EIF2AK3: variants seen among roughly 807,000 people sequenced by gnomAD.
The protein encoded by EIF2AK3 is eukaryotic translation initiation factor 2 alpha kinase 3.
EIF2AK3 carries 50 observed loss-of-function variants against 113.5 expected under a neutral mutation model. The ratio of observed to expected loss-of-function variants is 0.44; its 90% CI spans 0.35 to 0.56. The LOEUF is 0.56. EIF2AK3 is among the 20% of genes least tolerant of loss of function. The pLI is 0.00. For synonymous variants in EIF2AK3, 448 were observed against 495.4 expected, an observed-to-expected ratio of 0.90 and a Z score of 1.27; for missense variants, 1,185 against 1,378.0, an observed-to-expected ratio of 0.86 and a Z score of 2.22.
chr2:88,572,546 C>T (rs1167119238), intron 13 of EIF2AK3, among the ~76,000 whole-genome samples: 1 of 152,046 alleles, frequency 6.6e-6, no homozygotes, highest in African/African-American at 2.4e-5. Context: ...TTCTCTCCAC[C>T]CTCTACCCCA....
intron 14 of EIF2AK3, among the ~76,000 whole-genome samples, chr2:88,562,804 C>T (rs1674000898): frequency 6.6e-6 from 1 of 152,202 alleles, no homozygotes; most frequent in African/African-American, 2.4e-5. Flanking sequence ...AGAAAATCTT[C>T]ATTACTCCAA....
chr2:88,626,662 C>G (rs1162154699), intron 1 of EIF2AK3, among the ~76,000 whole-genome samples: 2 of 152,230 alleles, frequency 1.3e-5, no homozygotes, highest in African/African-American at 4.8e-5. Flanking sequence ...AATCAATGCC[C>G]GAAAACAATG....
chr2:88,580,001 T>G (rs1452483268), intron 10 of EIF2AK3: 1 of 235,608 alleles, frequency 4.2e-6, no homozygotes, highest in Non-Finnish European at 8.4e-6. Flanking sequence ...TCTGTGACAT[T>G]TTGTAATCAA....
At chr2:88,617,948 G>A (rs753895763) in intron 1 of EIF2AK3, among the ~76,000 whole-genome samples, 2 of 152,118 alleles carry the variant, frequency 1.3e-5, no homozygotes, top group African/African-American at 2.4e-5. Flanking sequence ...GGAGACTGAC[G>A]CAGGAGAACT....
rs964208013 is a variant in EIF2AK3, at chr2:88,627,333, C to G, written c.-59G>C. On this transcript the variant is annotated 5_prime_UTR_variant, in exon 1 of 17. Coordinates refer to ENST00000303236, the MANE Select transcript of EIF2AK3 (RefSeq NM_004836.7). ...CAGCCACTGACGCCTGCCTCTCCCGCCGCTTGGAGCTCCCAAGAAGGCAAG... is the reference window on the plus strand; with the variant it reads ...CAGCCACTGACGCCTGCCTCTCCCGGCGCTTGGAGCTCCCAAGAAGGCAAG... 3.1e-5 allele frequency: 44 copies of G among 1,431,176 alleles called. No homozygotes were observed. Among genetic ancestry groups the G allele is most frequent in the Middle Eastern group, 2.5e-4 (1 of 4,040 alleles). 88.7% of individuals were successfully genotyped at this position (1,431,176 alleles called of 1,614,324 possible).
intron 1 of EIF2AK3, 67 bp downstream of exon 1, chr2:88,626,900 C>G: frequency 7.6e-6 from 12 of 1,585,984 alleles, no homozygotes; most frequent in Non-Finnish European, 1.0e-5. Context: ...CTCCGCCCCC[C>G]TACACCGCAT....
intron 1 of EIF2AK3, among the ~76,000 whole-genome samples, chr2:88,619,233 T>G (rs1345521106): frequency 6.6e-6 from 1 of 152,124 alleles, no homozygotes; most frequent in Non-Finnish European, 1.5e-5. Flanking sequence ...TCAGGTGATC[T>G]GCCCGCTTCA....
At chr2:88,592,217 T>C (rs1462904046) in intron 4 of EIF2AK3, among the ~76,000 whole-genome samples, 1 of 152,170 alleles carries the variant, frequency 6.6e-6, no homozygotes, top group Non-Finnish European at 1.5e-5. Flanking sequence ...ATCACATATT[T>C]AAATATAAAA....
At chr2:88,587,057 T>C (rs1278109820) in intron 8 of EIF2AK3, among the ~76,000 whole-genome samples, 1 of 151,006 alleles carries the variant, frequency 6.6e-6, no homozygotes, top group Admixed American at 6.6e-5. Context: ...ATACAAAAAT[T>C]AGCTGGGCGT....
At position 88,562,293 on chromosome 2, in the gene EIF2AK3, ACT is replaced by A; in HGVS notation, c.3081_3082del (p.Arg1027SerfsTer6). ...TTGAGTAGGGAGGGTACTTACCCTG[ACT>A]CTCTCCATCTGAGTGCTGAATGGAT... On this transcript the variant is annotated frameshift_variant, in exon 15 of 17. Transcript: ENST00000303236. LOFTEE classifies it high-confidence loss of function. 6.2e-7 allele frequency: 1 copy of A among 1,613,330 alleles called. No individual in the cohort carries two copies. Among genetic ancestry groups the A allele is most frequent in the Non-Finnish European group, 8.5e-7 (1 of 1,179,340 alleles).
intron 1 of EIF2AK3, 69 bp downstream of exon 1, chr2:88,626,898 C>A: frequency 6.3e-7 from 1 of 1,582,836 alleles, no homozygotes; most frequent in Non-Finnish European, 8.6e-7. Context: ...ATCTCCGCCC[C>A]CCTACACCGC....
At position 88,574,590 on chromosome 2, in the gene EIF2AK3, A is replaced by G. The variant is rs1392480860; in HGVS notation, c.2817+76T>C. 1.6e-5 allele frequency: 24 copies of G among 1,533,592 alleles called. 1 individual carries two copies. In the East Asian group the frequency reaches 5.6e-4, roughly 36 times the overall value. 95.0% of individuals were successfully genotyped at this position (1,533,592 alleles called of 1,614,324 possible). On this transcript the variant is annotated intron_variant, in intron 13 of 16. Coordinates refer to ENST00000303236, the MANE Select transcript of EIF2AK3 (RefSeq NM_004836.7). ...TCTCCCCAACTCTTAAGGATCCTTCAGAGTACTGCAAGTACTGCTCTGAAT... is the reference window on the plus strand; with the variant it reads ...TCTCCCCAACTCTTAAGGATCCTTCGGAGTACTGCAAGTACTGCTCTGAAT...
intron 1 of EIF2AK3, among the ~76,000 whole-genome samples, chr2:88,614,188 G>A (rs1558663590): frequency 6.6e-6 from 1 of 152,062 alleles, no homozygotes; most frequent in South Asian, 2.1e-4. Context: ...TTCCCTGATC[G>A]TTCACTTATC....
intron 6 of EIF2AK3, 75 bp downstream of exon 6, chr2:88,590,368 A>G: frequency 6.7e-7 from 1 of 1,499,578 alleles, no homozygotes; most frequent in African/African-American, 1.4e-5. Flanking sequence ...GCACTCCTGA[A>G]GTAGGAAGGA....
chr2:88,557,798 A>AACTC lies in EIF2AK3; in HGVS notation c.3285_3288dup (p.Ser1097GlufsTer16). The AACTC allele has an allele frequency of 6.2e-7, 1 of 1,614,152 alleles. No homozygotes were observed. Among genetic ancestry groups the AACTC allele is most frequent in the Non-Finnish European group, 8.5e-7 (1 of 1,180,000 alleles). ...TGTCTTGAATGTTTTGTTCCCGATGAACTCAAGGAGCGAGACCTCTGTCTG... is the reference window on the plus strand; with the variant it reads ...TGTCTTGAATGTTTTGTTCCCGATGAACTCACTCAAGGAGCGAGACCTCTGTCTG... On this transcript the variant is annotated frameshift_variant, in exon 17 of 17. Coordinates refer to ENST00000303236, the MANE Select transcript of EIF2AK3 (RefSeq NM_004836.7). LOFTEE classifies it high-confidence loss of function.
intron 14 of EIF2AK3, 64 bp from the exon 15 acceptor site, chr2:88,562,454 A>C: frequency 7.5e-7 from 1 of 1,331,514 alleles, no homozygotes; most frequent in South Asian, 1.2e-5. Flanking sequence ...ATATTACAGC[A>C]TTATTGAATC....
chr2:88,558,849 G>T, intron 16 of EIF2AK3, 68 bp downstream of exon 16: 2 of 1,266,482 alleles, frequency 1.6e-6, no homozygotes, highest in South Asian at 1.3e-5. Flanking sequence ...AAACTGAGTC[G>T]ACTGCTAAGG....
At chr2:88,617,569 C>T (rs1404828201) in intron 1 of EIF2AK3, among the ~76,000 whole-genome samples, 1 of 151,740 alleles carries the variant, frequency 6.6e-6, no homozygotes, top group Non-Finnish European at 1.5e-5. Context: ...TCCTGGCCAA[C>T]GTGGTGAAAC....
intron 8 of EIF2AK3, 80 bp from the exon 9 acceptor site, chr2:88,586,141 T>G: frequency 8.7e-7 from 1 of 1,149,996 alleles, no homozygotes. Flanking sequence ...ATTTATCCAT[T>G]TTCCTGTGAC....
Sources: allele counts gnomAD v4.1 joint callset (sites outside exome capture counted in the v4.1 genomes callset), GRCh38; gene constraint gnomAD v4.1.1; transcripts MANE v1.5; gene names NCBI Gene and HGNC (gene_info 2026-07-23, HGNC 2026-07-21).